Variants in MAML2 observed in about 807,000 individuals in gnomAD.
The protein encoded by MAML2 is mastermind like transcriptional coactivator 2.
In MAML2, 22 loss-of-function variants were observed where a neutral mutation model predicts 96.1. The ratio of observed to expected loss-of-function variants is 0.23; its 90% CI spans 0.16 to 0.33. The LOEUF (loss-of-function observed/expected upper bound fraction) is 0.33. Ranked by LOEUF, MAML2 falls within the 10% of genes least tolerant of loss-of-function variation. The pLI is 1.00. For synonymous variants in MAML2, 561 were observed against 521.3 expected (o/e 1.08, Z -1.04); for missense variants, 1,367 against 1,392.4 (o/e 0.98, Z 0.29).
chr11:96,217,293 G>C (rs1279446579), intron 1 of MAML2, among the ~76,000 whole-genome samples: 1 of 152,212 alleles, frequency 6.6e-6, no homozygotes, highest in Non-Finnish European at 1.5e-5. Flanking sequence ...AAAAGTAACT[G>C]CACAAGCGCA....
chr11:96,327,618 A>T (rs999612482), intron 1 of MAML2, among the ~76,000 whole-genome samples: 25 of 151,248 alleles, frequency 1.7e-4, no homozygotes, highest in Middle Eastern at 3.4e-3. Context: ...GGGTTTCACC[A>T]TGTTGGCCAG....
At chr11:96,265,565 G>A (rs1862813685) in intron 1 of MAML2, among the ~76,000 whole-genome samples, 1 of 151,904 alleles carries the variant, frequency 6.6e-6, no homozygotes, top group Admixed American at 6.5e-5. Flanking sequence ...TTGTTTTCCT[G>A]CCCAAATGCT....
At chr11:96,078,215 T>C (rs953910219) in intron 2 of MAML2, among the ~76,000 whole-genome samples, 14 of 152,224 alleles carry the variant, frequency 9.2e-5, no homozygotes, top group Non-Finnish European at 1.9e-4. Context: ...TATTTCTCAT[T>C]CCACCACCAT....
intron 2 of MAML2, among the ~76,000 whole-genome samples, chr11:96,008,958 G>A (rs1049206854): frequency 6.6e-6 from 1 of 152,130 alleles, no homozygotes; most frequent in African/African-American, 2.4e-5. Context: ...TGACACCGCT[G>A]AAATTCTAGC....
chr11:96,116,789 A>G (rs555481932), intron 1 of MAML2, among the ~76,000 whole-genome samples: 1 of 152,382 alleles, frequency 6.6e-6, no homozygotes, highest in African/African-American at 2.4e-5. Context: ...TAGTTTATCA[A>G]GAGAATCACT....
Position 95,994,289 on chromosome 11 carries a change from C to A in MAML2, c.2140-2566G>T, listed in dbSNP as rs629059. On this transcript the variant is annotated intron_variant, in intron 2 of 4. Coordinates refer to ENST00000524717, the MANE Select transcript of MAML2 (RefSeq NM_032427.4). ...CCATCTCTGAGGTACATCCTTTGAGCAGCTTAAGGAAACCATCCTCTAATA... is the reference window on the plus strand; with the variant it reads ...CCATCTCTGAGGTACATCCTTTGAGAAGCTTAAGGAAACCATCCTCTAATA... Among the ~76,000 whole-genome samples, 1,259 of 152,268 alleles carry A rather than the reference C, an allele frequency of 8.3e-3. 12 individuals carry two copies. Among genetic ancestry groups the A allele is most frequent in the African/African-American group, 0.028 (1,178 of 41,564 alleles).
chr11:96,319,704 C>A (rs1194163345), intron 1 of MAML2, among the ~76,000 whole-genome samples: 1 of 152,140 alleles, frequency 6.6e-6, no homozygotes, highest in Non-Finnish European at 1.5e-5. Flanking sequence ...GAGTATACAT[C>A]TCCCCCAAAG....
At chr11:96,308,950 T>C (rs1261732836) in intron 1 of MAML2, among the ~76,000 whole-genome samples, 1 of 152,172 alleles carries the variant, frequency 6.6e-6, no homozygotes, top group Non-Finnish European at 1.5e-5. Flanking sequence ...TGTACTCTTG[T>C]CCAAATGTAA....
chr11:96,238,254 A>G (rs572353223), intron 1 of MAML2, among the ~76,000 whole-genome samples: 1 of 152,352 alleles, frequency 6.6e-6, no homozygotes, highest in East Asian at 1.9e-4. Flanking sequence ...TCACATATGA[A>G]ATCAGTGAAG....
chr11:96,133,026 A>C (rs1387361312), intron 1 of MAML2, among the ~76,000 whole-genome samples: 3 of 152,228 alleles, frequency 2.0e-5, no homozygotes, highest in Non-Finnish European at 2.9e-5. Flanking sequence ...GTTACATCTC[A>C]TTCAATAATA....
intron 2 of MAML2, among the ~76,000 whole-genome samples, chr11:96,024,518 C>T (rs982046283): frequency 3.3e-5 from 5 of 152,222 alleles, no homozygotes; most frequent in Admixed American, 1.3e-4. Context: ...AGCGTGCAGA[C>T]ATGCACTCAT....
intron 1 of MAML2, among the ~76,000 whole-genome samples, chr11:96,303,042 A>C (rs1863411005): frequency 6.6e-6 from 1 of 152,230 alleles, no homozygotes; most frequent in Non-Finnish European, 1.5e-5. Flanking sequence ...ATATTAGTAC[A>C]GCTCCTGAAA....
chr11:96,093,152 G>A lies in MAML2; in HGVS notation c.879C>T (p.Tyr293=), dbSNP rs751669438. 4.0e-5 allele frequency: 64 copies of A among 1,613,806 alleles called. No homozygotes were observed. Among genetic ancestry groups the A allele is most frequent in the Middle Eastern group, 1.6e-4 (1 of 6,084 alleles). Reference sequence around the variant, plus strand: ...TCAGTTGTTCTCCAGGGTCGTCTCCGTACCTATTAGGAAAAATATTCTCTT... The same window carrying A: ...TCAGTTGTTCTCCAGGGTCGTCTCCATACCTATTAGGAAAAATATTCTCTT... ...MTQENIFPNR[Y]GDDPGEQLMD... Residue 293 remains tyrosine, a synonymous_variant, in exon 2 of 5, where the codon TAC becomes TAT. Coordinates refer to ENST00000524717, the MANE Select transcript of MAML2 (RefSeq NM_032427.4).
chr11:96,210,501 C>T (rs1370553615), intron 1 of MAML2, among the ~76,000 whole-genome samples: 2 of 152,126 alleles, frequency 1.3e-5, no homozygotes, highest in East Asian at 1.9e-4. Context: ...AATTGAGATA[C>T]CTAAAAGGTA....
At chr11:96,334,755 T>C (rs1169653425) in intron 1 of MAML2, among the ~76,000 whole-genome samples, 1 of 152,210 alleles carries the variant, frequency 6.6e-6, no homozygotes, top group African/African-American at 2.4e-5. Flanking sequence ...ATGCATACAA[T>C]CTTGACGTAA....
At chr11:96,165,201 A>G (rs1270125440) in intron 1 of MAML2, among the ~76,000 whole-genome samples, 1 of 152,178 alleles carries the variant, frequency 6.6e-6, no homozygotes, top group East Asian at 1.9e-4. Context: ...GCAATTTATT[A>G]AGAATATTTT....
At chr11:96,283,495 A>C (rs1036222426) in intron 1 of MAML2, among the ~76,000 whole-genome samples, 1 of 152,232 alleles carries the variant, frequency 6.6e-6, no homozygotes, top group African/African-American at 2.4e-5. Flanking sequence ...TTTCTCCAAA[A>C]GTGAAAATAA....
At chr11:96,122,420 T>G (rs1565221609) in intron 1 of MAML2, among the ~76,000 whole-genome samples, 1 of 151,686 alleles carries the variant, frequency 6.6e-6, no homozygotes, top group Non-Finnish European at 1.5e-5. Flanking sequence ...GGAGCAGTCA[T>G]AAAGAACGGG....
At chr11:96,087,889 C>T (rs1859643847) in intron 2 of MAML2, among the ~76,000 whole-genome samples, 1 of 152,146 alleles carries the variant, frequency 6.6e-6, no homozygotes. Context: ...AAGGCGTTTC[C>T]AGCTGATACA....
Sources: gnomAD v4.1 joint callset for allele counts (sites outside exome capture counted in the v4.1 genomes callset) on GRCh38, gnomAD v4.1.1 for gene constraint, MANE v1.5 for transcripts, NCBI Gene and HGNC (gene_info 2026-07-23, HGNC 2026-07-21) for gene names.